EFHC1: variants seen among roughly 807,000 people sequenced by gnomAD.
EFHC1 encodes the protein EF-hand domain containing 1.
EFHC1 carries 53 observed loss-of-function variants against 69.9 expected under a neutral mutation model. That is an observed-to-expected ratio of 0.76 (90% confidence interval 0.61 to 0.95). EFHC1 has a LOEUF of 0.95. Ranked by LOEUF, EFHC1 falls within the 40% of genes least tolerant of loss-of-function variation. The probability of loss-of-function intolerance (pLI) is 0.00; values close to 1 mark genes in which losing one functional copy is unlikely to be tolerated. For missense variants in EFHC1, 739 were observed against 798.7 expected, an observed-to-expected ratio of 0.93 and a Z score of 0.90; for synonymous variants, 256 against 278.4, an observed-to-expected ratio of 0.92 and a Z score of 0.80.
Position 52,434,840 on chromosome 6 carries a change from CAATT to C in EFHC1, c.286-3461_286-3458del, listed in dbSNP as rs138966115. ...TAGATAAGTGCCTTTTAAAAATTAA[CAATT>C]AAGTAATTCTTTTCGGTTAGCATAT... is the stretch of plus-strand genomic sequence containing the variant. On this transcript the variant is annotated intron_variant, in intron 2 of 10. Coordinates refer to ENST00000371068, the MANE Select transcript of EFHC1 (RefSeq NM_018100.4). Among the ~76,000 whole-genome samples the C allele has an allele frequency of 6.4e-3, 978 of 152,110 alleles. 12 individuals carry two copies. The highest frequency in any genetic ancestry group is 0.022 in the African/African-American group (925 of 41,450).
At chr6:52,480,879 T>A (rs921634342) in intron 9 of EFHC1, among the ~76,000 whole-genome samples, 1 of 152,106 alleles carries the variant, frequency 6.6e-6, no homozygotes, top group East Asian at 1.9e-4. Context: ...AAATTAACAA[T>A]GGGCTAGATT....
In EFHC1 at chr6:52,493,363, TA is replaced by T. The variant is rs1216644891; in HGVS notation, c.*1023del. ...TTATAACTCTCTCTTTCTCTCTCTC[TA>T]CATATATATATATATATATATTTTA... On this transcript the variant is annotated 3_prime_UTR_variant, in exon 11 of 11. Transcript: ENST00000371068. 239 of 239,082 alleles carry T rather than the reference TA, an allele frequency of 1.0e-3. 3 individuals carry two copies. The highest frequency in any genetic ancestry group is 7.1e-3 in the African/African-American group (206 of 29,192). The allele number at this position is 239,082 out of a possible 1,614,324, so 14.8% of individuals were successfully genotyped here. A position where few individuals can be genotyped will look rare whatever the true frequency, so the allele number is the denominator to read the frequency against.
intron 2 of EFHC1, among the ~76,000 whole-genome samples, chr6:52,432,151 A>G (rs1020642054): frequency 6.6e-6 from 1 of 152,122 alleles, no homozygotes; most frequent in African/African-American, 2.4e-5. Flanking sequence ...CCATTCTGCG[A>G]TTCTGTATCT....
intron 9 of EFHC1, 100 bp from the exon 10 acceptor site, chr6:52,490,039 TA>T: frequency 1.8e-6 from 2 of 1,100,418 alleles, no homozygotes; most frequent in Non-Finnish European, 2.7e-6. Context: ...AAGCTGTGAT[TA>T]GAAGCTTCCC....
chr6:52,473,675 G>C (rs1765485729), intron 7 of EFHC1, among the ~76,000 whole-genome samples: 1 of 152,216 alleles, frequency 6.6e-6, no homozygotes, highest in East Asian at 1.9e-4. Context: ...CCAGCCACTT[G>C]GGAGGCTGAG....
intron 3 of EFHC1, among the ~76,000 whole-genome samples, chr6:52,447,556 C>T (rs1382576071): frequency 2.6e-5 from 4 of 152,210 alleles, no homozygotes; most frequent in Non-Finnish European, 4.4e-5. Context: ...TTGTCTGAAG[C>T]CTTTTTCTCT....
At chr6:52,477,600 C>G (rs1765571139) in intron 7 of EFHC1, among the ~76,000 whole-genome samples, 1 of 152,100 alleles carries the variant, frequency 6.6e-6, no homozygotes, top group Non-Finnish European at 1.5e-5. Context: ...ACAACCCCAT[C>G]AAAAAGTGGG....
At chr6:52,420,594 C>G in intron 1 of EFHC1, 121 bp downstream of exon 1, 3 of 1,219,832 alleles carry the variant, frequency 2.5e-6, no homozygotes, top group South Asian at 2.5e-5. Context: ...AACACGTCTT[C>G]TGTCCTGACC....
At chr6:52,443,482 A>T (rs960312367) in intron 3 of EFHC1, among the ~76,000 whole-genome samples, 1 of 152,116 alleles carries the variant, frequency 6.6e-6, no homozygotes, top group African/African-American at 2.4e-5. Flanking sequence ...TAAGGAAGGG[A>T]TCCAGTTTCA....
In EFHC1 at chr6:52,492,520, CTTAT is replaced by C; in HGVS notation, c.*183_*186del. 1 of 722,518 alleles carries C rather than the reference CTTAT, an allele frequency of 1.4e-6. No homozygotes were observed. Among genetic ancestry groups the C allele is most frequent in the African/African-American group, 1.7e-5 (1 of 57,522 alleles). 44.8% of individuals were successfully genotyped at this position (722,518 alleles called of 1,614,324 possible). A position where few individuals can be genotyped will look rare whatever the true frequency, so the allele number is the denominator to read the frequency against. On this transcript the variant is annotated 3_prime_UTR_variant, in exon 11 of 11. Transcript: ENST00000371068. Reference sequence around the variant, plus strand: ...ATCTAATAGGATCTAAGATTGGTGCCTTATTTAGGGTGATAGGGGTATAGCAATG... The same window carrying C: ...ATCTAATAGGATCTAAGATTGGTGCCTTAGGGTGATAGGGGTATAGCAATG...
intron 7 of EFHC1, among the ~76,000 whole-genome samples, chr6:52,478,069 A>G (rs1453127622): frequency 2.0e-5 from 3 of 152,212 alleles, no homozygotes; most frequent in Non-Finnish European, 2.9e-5. Flanking sequence ...AATGTGGCAC[A>G]TATACACCAT....
intron 2 of EFHC1, among the ~76,000 whole-genome samples, chr6:52,434,427 C>T (rs762529257): frequency 2.6e-5 from 4 of 152,186 alleles, no homozygotes; most frequent in African/African-American, 9.6e-5. Flanking sequence ...AGGTCAGAAT[C>T]TTCTCCTGTA....
chr6:52,436,941 A>G (rs1247931498), intron 2 of EFHC1, among the ~76,000 whole-genome samples: 3 of 152,120 alleles, frequency 2.0e-5, no homozygotes, highest in African/African-American at 7.2e-5. Flanking sequence ...CACGCCTGGC[A>G]TAGTTTATGT....
At chr6:52,477,306 G>T (rs1379439281) in intron 7 of EFHC1, among the ~76,000 whole-genome samples, 1 of 152,112 alleles carries the variant, frequency 6.6e-6, no homozygotes, top group East Asian at 1.9e-4. Flanking sequence ...AATGATATGA[G>T]AAAATTATTT....
chr6:52,434,351 C>T (rs1170836482), intron 2 of EFHC1, among the ~76,000 whole-genome samples: 2 of 152,160 alleles, frequency 1.3e-5, no homozygotes, highest in Non-Finnish European at 2.9e-5. Flanking sequence ...GACCATAGGA[C>T]TTTTCCCGCT....
intron 3 of EFHC1, among the ~76,000 whole-genome samples, chr6:52,443,842 G>A (rs907697881): frequency 6.6e-6 from 1 of 152,206 alleles, no homozygotes; most frequent in Non-Finnish European, 1.5e-5. Flanking sequence ...TTGGTAGCTT[G>A]ATGGGGATGG....
chr6:52,463,265 G>A (rs1255793146), intron 5 of EFHC1, among the ~76,000 whole-genome samples: 2 of 148,744 alleles, frequency 1.3e-5, no homozygotes, highest in South Asian at 2.1e-4. Flanking sequence ...GTTTTGATCC[G>A]CCCACCTCGG....
In EFHC1 at chr6:52,460,863, G is replaced by T. The variant is rs188904722; in HGVS notation, c.917-4032G>T. 1.3e-3 allele frequency among the ~76,000 whole-genome samples: 193 copies of T among 152,254 alleles called. 1 individual carries two copies. The highest frequency in any genetic ancestry group is 4.4e-3 in the African/African-American group (181 of 41,564). ...TTCTAGAGTATACTTCAAGTGGAAA[G>T]AAAATGAATGCAGAAGTAAAGTCTA... On this transcript the variant is annotated intron_variant, in intron 5 of 10. Transcript: ENST00000371068.
At position 52,480,383 on chromosome 6, in the gene EFHC1, G is replaced by A. The variant is rs141668476; in HGVS notation, c.1640+596G>A. Among the ~76,000 whole-genome samples the A allele has an allele frequency of 4.6e-5, 7 of 152,248 alleles. No individual in the cohort carries two copies. The East Asian group carries it at 1.2e-3, about 25-fold the overall frequency. On this transcript the variant is annotated intron_variant, in intron 9 of 10. Coordinates refer to ENST00000371068, the MANE Select transcript of EFHC1 (RefSeq NM_018100.4). ...GTGGGCCTGTGCAATGCAAATTCTT[G>A]TTGTTCAAGAGTCAGCTATAATTAT...
Sources: gnomAD v4.1 joint callset for allele counts (sites outside exome capture counted in the v4.1 genomes callset) on GRCh38, gnomAD v4.1.1 for gene constraint, MANE v1.5 for transcripts, NCBI Gene and HGNC (gene_info 2026-07-23, HGNC 2026-07-21) for gene names.